Variants in RAI1 observed in about 807,000 individuals in gnomAD.
RAI1 encodes the protein retinoic acid induced 1.
Under a neutral mutation model 123.8 loss-of-function variants are expected in RAI1, and 9 were observed. The ratio of observed to expected loss-of-function variants is 0.07; its 90% confidence interval spans 0.04 to 0.13. The LOEUF is 0.13. RAI1 is among the 10% of genes least tolerant of loss of function. RAI1 has a pLI of 1.00. For missense variants in RAI1, 2,256 were observed against 2,545.8 expected, an observed-to-expected ratio of 0.89 and a Z score of 2.45; for synonymous variants, 1,231 against 1,127.3, an observed-to-expected ratio of 1.09 and a Z score of -1.84.
At chr17:17,732,431 CTG>C (rs902444753) in intron 2 of RAI1, among the ~76,000 whole-genome samples, 25 of 152,180 alleles carry the variant, frequency 1.6e-4, no homozygotes, top group African/African-American at 5.3e-4. Context: ...AGGGGTCACA[CTG>C]TGGTGACTGG....
intron 2 of RAI1, among the ~76,000 whole-genome samples, chr17:17,747,436 A>G (rs12450196): frequency 0.03 from 4,554 of 152,296 alleles, 311 homozygotes; most frequent in East Asian, 0.29. Flanking sequence ...CAGCCTGGGA[A>G]GGAGACTGAA....
At chr17:17,734,001 A>T (rs1291676111) in intron 2 of RAI1, among the ~76,000 whole-genome samples, 2 of 151,844 alleles carry the variant, frequency 1.3e-5, no homozygotes, top group African/African-American at 4.8e-5. Flanking sequence ...TGCTTGGTTT[A>T]TTTTTCTCAC....
At chr17:17,757,026 A>G (rs1039296223) in intron 2 of RAI1, among the ~76,000 whole-genome samples, 10 of 152,014 alleles carry the variant, frequency 6.6e-5, no homozygotes, top group Non-Finnish European at 1.5e-4. Flanking sequence ...ACTTCACCCT[A>G]TCTCCGCGGG....
rs144501383 is a variant in RAI1 at position 17,729,280 on chromosome 17, G to A, written c.-17+5121G>A. Among the ~76,000 whole-genome samples the A allele has an allele frequency of 4.6e-3, 699 of 152,364 alleles. 6 individuals carry two copies. The highest frequency in any genetic ancestry group is 7.8e-3 in the Non-Finnish European group (534 of 68,032). ...TGGTTATCTGTCTGCTGTAAGCCTT[G>A]TAAGGACTACGGTGGTAGAAAAGAG... On this transcript the variant is annotated intron_variant, in intron 2 of 5. Transcript: ENST00000353383.
At chr17:17,684,983 T>C (rs888561365) in intron 1 of RAI1, 3 of 152,230 alleles carry the variant, frequency 2.0e-5, no homozygotes, top group Non-Finnish European at 4.4e-5. Flanking sequence ...GAAGTAAAGA[T>C]GCAGTGAGTT....
At chr17:17,767,306 G>A (rs1405254572) in intron 2 of RAI1, among the ~76,000 whole-genome samples, 7 of 151,932 alleles carry the variant, frequency 4.6e-5, no homozygotes, top group Non-Finnish European at 8.8e-5. Context: ...TCCCCACACC[G>A]TATCTATGGC....
Position 17,798,361 on chromosome 17 carries a change from C to A in RAI1, c.5413C>A (p.His1805Asn). 1 of 1,607,724 alleles carries A rather than the reference C, an allele frequency of 6.2e-7. No individual in the cohort carries two copies. Among genetic ancestry groups the A allele is most frequent in the Non-Finnish European group, 8.5e-7 (1 of 1,177,316 alleles). Residue 1805 changes from histidine to asparagine, a missense_variant, in exon 3 of 6, where the codon CAT (histidine) becomes AAT (asparagine). His to Asn is a moderately conservative substitution (Grantham distance 68). Around this residue, in one of 7 missense-constraint regions of RAI1, gnomAD observed 243 missense variants for 316.6 expected, o/e 0.77. Transcript: ENST00000353383. Reference protein sequence around the residue: ...EAAPADKGRKHECSKEAPAEP... With the variant: ...EAAPADKGRKNECSKEAPAEP... ...AGCCCCAGCCGACAAGGGTCGCAAA[C>A]ATGAGTGCAGCAAGGAGGCTCCGGC...
intron 2 of RAI1, among the ~76,000 whole-genome samples, chr17:17,735,063 T>C (rs1185669855): frequency 2.6e-5 from 4 of 152,130 alleles, no homozygotes; most frequent in Non-Finnish European, 5.9e-5. Flanking sequence ...TTACTTTTTT[T>C]TTTTTTCGAG....
intron 2 of RAI1, among the ~76,000 whole-genome samples, chr17:17,728,577 G>A (rs1657984957): frequency 1.3e-5 from 2 of 152,082 alleles, no homozygotes; most frequent in South Asian, 4.1e-4. Flanking sequence ...GGTGTTGAGG[G>A]GCACGTGCCC....
rs377633570 is a variant in RAI1 at position 17,796,649 on chromosome 17, C to T, written c.3701C>T (p.Thr1234Ile). 4.3e-6 allele frequency: 7 copies of T among 1,612,166 alleles called. No homozygotes were observed. Among genetic ancestry groups the T allele is most frequent in the Middle Eastern group, 1.7e-4 (1 of 6,058 alleles). ...RKSAFMAPVP[T>I]KKRNLVLRSR... The stretch of plus-strand genomic sequence containing the variant: ...TCGGCCTTCATGGCGCCGGTCCCCA[C>T]CAAGAAGCGGAACCTGGTCTTGCGG... The change falls in exon 3 of 6, where the codon ACC becomes ATC. Residue 1234 changes from threonine to isoleucine, a missense_variant. Transcript: ENST00000353383. The surrounding 1 kb of genome is among the most constrained non-coding windows in gnomAD (Gnocchi z 5.8).
At chr17:17,712,921 C>A (rs778665246) in intron 1 of RAI1, among the ~76,000 whole-genome samples, 1 of 151,476 alleles carries the variant, frequency 6.6e-6, no homozygotes, top group South Asian at 2.1e-4. Flanking sequence ...TCCATTCATA[C>A]GAAATGCCCA....
intron 2 of RAI1, among the ~76,000 whole-genome samples, chr17:17,746,634 C>CT (rs377692656): frequency 0.41 from 49,114 of 120,436 alleles, 12,378 homozygotes; most frequent in Non-Finnish European, 0.57. Context: ...CTTTTCTTTT[C>CT]TTTTTTTTTT....
intron 2 of RAI1, among the ~76,000 whole-genome samples, chr17:17,786,895 G>T (rs965141621): frequency 1.3e-5 from 2 of 152,200 alleles, no homozygotes; most frequent in Non-Finnish European, 2.9e-5. Flanking sequence ...CCAATATGGA[G>T]AAACCCTGTC....
chr17:17,683,338 C>T (rs1233730885), intron 1 of RAI1, among the ~76,000 whole-genome samples: 1 of 152,190 alleles, frequency 6.6e-6, no homozygotes. Context: ...CTTCCTGCCC[C>T]TGCCCCCCTC....
chr17:17,742,447 G>C (rs1031826457), intron 2 of RAI1, among the ~76,000 whole-genome samples: 1 of 152,102 alleles, frequency 6.6e-6, no homozygotes, highest in Non-Finnish European at 1.5e-5. Flanking sequence ...GAATGAACGA[G>C]TGAATGAATG....
At chr17:17,803,610 T>G in intron 3 of RAI1, 146 bp from the exon 4 acceptor site, 1 of 751,362 alleles carries the variant, frequency 1.3e-6, no homozygotes, top group Middle Eastern at 3.7e-4. Context: ...GGTATCAAAC[T>G]CCTGGACTCA....
intron 1 of RAI1, among the ~76,000 whole-genome samples, chr17:17,694,756 G>T (rs1444254401): frequency 6.7e-6 from 1 of 150,070 alleles, no homozygotes; most frequent in Non-Finnish European, 1.5e-5. Flanking sequence ...AGGCCAGGCG[G>T]GGGGCGAGGC....
rs1442195257 is a variant in RAI1, at chr17:17,795,495, C to T, written c.2547C>T (p.Asp849=). The change falls in exon 3 of 6, where the codon GAC becomes GAT. Residue 849 remains aspartate (D), a synonymous_variant. Transcript: ENST00000353383. The surrounding 1 kb of genome is among the most constrained non-coding windows in gnomAD (Gnocchi z 5.9). ...GCCGGCACTGCTGTTCCACCGCCGA[C>T]TTCGGGGACCTCCCACTGCTGCCAC... ...EDSRHCCSTA[D]FGDLPLLPPT... is the part of the protein sequence containing the mutation. 6.3e-7 allele frequency: 1 copy of T among 1,587,410 alleles called. No homozygotes were observed. Among genetic ancestry groups the T allele is most frequent in the Non-Finnish European group, 8.6e-7 (1 of 1,167,016 alleles).
chr17:17,716,807 G>T (rs1452566145), intron 1 of RAI1, among the ~76,000 whole-genome samples: 1 of 152,206 alleles, frequency 6.6e-6, no homozygotes, highest in Non-Finnish European at 1.5e-5. Context: ...GGTCACCACG[G>T]CCCCGTGGGC....
Sources: gnomAD v4.1 joint callset for allele counts (sites outside exome capture counted in the v4.1 genomes callset) on GRCh38, gnomAD v4.1.1 for gene constraint, gnomAD v4.1.1 regional missense constraint, Gnocchi (gnomAD v3.1) non-coding constraint, MANE v1.5 for transcripts, NCBI Gene and HGNC (gene_info 2026-07-23, HGNC 2026-07-21) for gene names.